LIMCH1: variants seen among roughly 807,000 people sequenced by gnomAD.
LIMCH1 encodes the protein LIM and calponin homology domains-containing protein 1.
LIMCH1 carries 113 observed loss-of-function variants against 176.5 expected under a neutral mutation model. The observed-to-expected ratio is 0.64, with a 90% confidence interval of 0.55 to 0.75. LIMCH1 has a LOEUF of 0.75. Ranked by LOEUF, LIMCH1 falls within the 30% of genes least tolerant of loss-of-function variation. The pLI, the probability that LIMCH1 is intolerant of heterozygous loss-of-function variation, is 0.00. For missense variants in LIMCH1, 1,674 were observed against 1,814.9 expected (o/e 0.92, Z 1.41); for synonymous variants, 619 against 645.9 (o/e 0.96, Z 0.63).
At chr4:41,609,076 C>T (rs1167525022) in intron 4 of LIMCH1, among the ~76,000 whole-genome samples, 1 of 152,048 alleles carries the variant, frequency 6.6e-6, no homozygotes, top group Non-Finnish European at 1.5e-5. Context: ...TCACTGTGAT[C>T]AGGGGCAAGT....
chr4:41,420,282 G>A (rs1325899424), intron 1 of LIMCH1, among the ~76,000 whole-genome samples: 2 of 152,088 alleles, frequency 1.3e-5, no homozygotes, highest in East Asian at 3.9e-4. Context: ...ATAGTGCTTT[G>A]GTACTTAATA....
At chr4:41,385,844 C>A (rs2056423931) in intron 1 of LIMCH1, 1 of 152,128 alleles carries the variant, frequency 6.6e-6, no homozygotes. Context: ...AACAGATCTG[C>A]CAAAGAGCCT....
At chr4:41,566,304 A>C (rs2082765451) in intron 1 of LIMCH1, among the ~76,000 whole-genome samples, 1 of 152,316 alleles carries the variant, frequency 6.6e-6, no homozygotes, top group East Asian at 1.9e-4. Context: ...GAAGGTCTTC[A>C]ATTTGCTTTG....
intron 18 of LIMCH1, among the ~76,000 whole-genome samples, chr4:41,652,332 G>A (rs1163189351): frequency 6.6e-6 from 1 of 152,128 alleles, no homozygotes; most frequent in Non-Finnish European, 1.5e-5. Flanking sequence ...AATGGGAGTA[G>A]ACCAAAATCA....
intron 20 of LIMCH1, among the ~76,000 whole-genome samples, chr4:41,664,807 GT>G (rs1437252749): frequency 6.6e-6 from 1 of 152,176 alleles, no homozygotes; most frequent in Non-Finnish European, 1.5e-5. Flanking sequence ...GGAAAAAAGT[GT>G]TTTCAGGACT....
intron 30 of LIMCH1, 186 bp downstream of exon 30, chr4:41,689,821 G>A (rs754504219): frequency 3.6e-5 from 17 of 467,784 alleles, no homozygotes; most frequent in Non-Finnish European, 6.3e-5. Flanking sequence ...TGTCAGATTA[G>A]AAGAAGCAGA....
chr4:41,369,636 C>CTT (rs201782535), intron 1 of LIMCH1, among the ~76,000 whole-genome samples: 4 of 151,836 alleles, frequency 2.6e-5, no homozygotes, highest in African/African-American at 9.7e-5. Flanking sequence ...CAGTTTTTGC[C>CTT]TTTTTTTTAG....
At chr4:41,582,530 G>C (rs997323466) in intron 1 of LIMCH1, among the ~76,000 whole-genome samples, 1 of 152,228 alleles carries the variant, frequency 6.6e-6, no homozygotes, top group Non-Finnish European at 1.5e-5. Flanking sequence ...GTGGTAAGGG[G>C]TAGGGGTTCT....
At chr4:41,402,795 G>T (rs914722065) in intron 1 of LIMCH1, among the ~76,000 whole-genome samples, 3 of 142,040 alleles carry the variant, frequency 2.1e-5, no homozygotes, top group Non-Finnish European at 4.5e-5. Flanking sequence ...ATGGACACAG[G>T]AAGGGGAACA....
intron 1 of LIMCH1, among the ~76,000 whole-genome samples, chr4:41,419,576 T>TTCCG (rs1191259960): frequency 2.2e-5 from 2 of 90,944 alleles, no homozygotes; most frequent in Admixed American, 9.6e-5. Flanking sequence ...CCTTCCTTCC[T>TTCCG]TCCTTCCTTC....
chr4:41,533,171 G>A (rs554880119), upstream of LIMCH1, among the ~76,000 whole-genome samples: 1 of 152,204 alleles, frequency 6.6e-6, no homozygotes, highest in East Asian at 1.9e-4. Flanking sequence ...GCCTGAGAAA[G>A]AAAGAAAGAG....
chr4:41,644,172 C>T (rs1170253196), intron 14 of LIMCH1, among the ~76,000 whole-genome samples: 5 of 152,176 alleles, frequency 3.3e-5, no homozygotes, highest in Non-Finnish European at 7.4e-5. Flanking sequence ...TGAGAGGAGC[C>T]TGGGGCTTCA....
upstream of LIMCH1, chr4:41,360,676 G>A: frequency 5.8e-6 from 2 of 342,304 alleles, no homozygotes; most frequent in Non-Finnish European, 1.0e-5. This position sits in a 1 kb window ranked among gnomAD's most constrained non-coding sequence, Gnocchi z 4.5. Context: ...CTGCCGCGGC[G>A]TCCTCTAGCA....
At chr4:41,629,910 A>G (rs1420411232) in intron 9 of LIMCH1, among the ~76,000 whole-genome samples, 176 bp downstream of exon 9, 2 of 151,126 alleles carry the variant, frequency 1.3e-5, no homozygotes, top group African/African-American at 4.9e-5. Context: ...GGGCTCAAGC[A>G]GTCCTCTCCC....
chr4:41,414,089 T>C (rs2059718109), intron 1 of LIMCH1, among the ~76,000 whole-genome samples: 1 of 152,186 alleles, frequency 6.6e-6, no homozygotes, highest in Admixed American at 6.5e-5. Flanking sequence ...TAACTCATTC[T>C]CCCAAATATC....
In LIMCH1 at chr4:41,360,834, T is replaced by C. The variant is rs757834136; in HGVS notation, c.-7T>C. The C allele has an allele frequency of 6.5e-7, 1 of 1,547,694 alleles. No individual in the cohort carries two copies. Among genetic ancestry groups the C allele is most frequent in the Non-Finnish European group, 8.7e-7 (1 of 1,148,522 alleles). On this transcript the variant is annotated 5_prime_UTR_variant, in exon 1 of 27. Coordinates refer to the LIMCH1 transcript ENST00000313860. The surrounding 1 kb of genome is among the most constrained non-coding windows in gnomAD (Gnocchi z 4.5). ...CCCGGCGCTTGAGAGGACGCGGGGC[T>C]GCGCAAATGGCTTGTCCCGCTCTCG... is the stretch of plus-strand genomic sequence containing the variant.
At position 41,676,825 on chromosome 4, in the gene LIMCH1, A is replaced by G. The variant is rs2095233959; in HGVS notation, c.3519+363A>G. 2.6e-5 allele frequency among the ~76,000 whole-genome samples: 4 copies of G among 152,150 alleles called. 1 individual carries two copies. Among genetic ancestry groups the G allele is most frequent in the Admixed American group, 2.6e-4 (4 of 15,274 alleles). Reference sequence around the variant, plus strand: ...AGCTCTCTGCTAGCATACACGTGAAATAAAATTTAGCCTCAGTCTACTTTC... The same window carrying G: ...AGCTCTCTGCTAGCATACACGTGAAGTAAAATTTAGCCTCAGTCTACTTTC... On this transcript the variant is annotated intron_variant, in intron 23 of 31. Transcript: ENST00000503057.
At chr4:41,641,494 C>G (rs2093823501) in intron 14 of LIMCH1, among the ~76,000 whole-genome samples, 1 of 150,840 alleles carries the variant, frequency 6.6e-6, no homozygotes, top group Non-Finnish European at 1.5e-5. Context: ...AAAAATCATA[C>G]AGGTTGAGCC....
intron 21 of LIMCH1, among the ~76,000 whole-genome samples, chr4:41,670,219 A>AGCC (rs1442365013): frequency 1.3e-5 from 2 of 152,200 alleles, no homozygotes; most frequent in African/African-American, 4.8e-5. Flanking sequence ...CCTTGCCATG[A>AGCC]GCCACCACAG....
Sources: gnomAD v4.1 joint callset for allele counts (sites outside exome capture counted in the v4.1 genomes callset) on GRCh38, gnomAD v4.1.1 for gene constraint, Gnocchi (gnomAD v3.1) non-coding constraint, MANE v1.5 for transcripts, NCBI Gene and HGNC (gene_info 2026-07-23, HGNC 2026-07-21) for gene names.